Variants in FMNL2 observed in about 807,000 individuals in gnomAD.
The protein encoded by FMNL2 is formin-like protein 2.
Under a neutral mutation model 130.2 loss-of-function variants are expected in FMNL2, and 51 were observed. The ratio of observed to expected loss-of-function variants is 0.39; its 90% confidence interval spans 0.31 to 0.49. The LOEUF (loss-of-function observed/expected upper bound fraction) is 0.49, where lower values mean the gene tolerates loss of function less well. FMNL2 is among the 20% of genes least tolerant of loss of function. The pLI is 0.85. For missense variants in FMNL2, 977 were observed against 1,316.2 expected (o/e 0.74, Z 3.99); for synonymous variants, 465 against 467.1 (o/e 1.00, Z 0.06).
At chr2:152,593,860 A>AGAGAGAGTGTGTGT (rs1365489869) in intron 9 of FMNL2, among the ~76,000 whole-genome samples, 1 of 113,294 alleles carries the variant, frequency 8.8e-6, no homozygotes, top group African/African-American at 3.5e-5. Context: ...AGAGAGAGAG[A>AGAGAGAGTGTGTGT]GTGTGTGTGT....
chr2:152,629,565 G>A, intron 18 of FMNL2, 91 bp from the exon 19 acceptor site: 2 of 1,216,756 alleles, frequency 1.6e-6, no homozygotes, highest in South Asian at 2.7e-5. Context: ...ATGCAGGCCT[G>A]TTTTCTTCTG....
chr2:152,504,258 CT>C lies in FMNL2; in HGVS notation c.118-17673del, dbSNP rs527725556. ...TGACTCCTACCCACATGCAGGGAGG[CT>C]TTTTTTTTTTTCTTTTCTTCGAGAC... On this transcript the variant is annotated intron_variant, in intron 1 of 25. Transcript: ENST00000288670. 7.2e-3 allele frequency among the ~76,000 whole-genome samples: 1,040 copies of C among 145,118 alleles called. 3 individuals are homozygous for C. The highest frequency in any genetic ancestry group is 0.025 in the Middle Eastern group (7 of 278).
chr2:152,407,851 C>CA (rs1204854403), intron 1 of FMNL2, among the ~76,000 whole-genome samples: 2 of 152,182 alleles, frequency 1.3e-5, no homozygotes, highest in African/African-American at 4.8e-5. Context: ...TAATAAAAAA[C>CA]AATCACCACT....
chr2:152,529,594 C>A (rs976418840), intron 2 of FMNL2, among the ~76,000 whole-genome samples: 8 of 152,164 alleles, frequency 5.3e-5, no homozygotes, highest in Non-Finnish European at 1.0e-4. Context: ...GAAAAGCAAT[C>A]AAATAGCAGA....
At chr2:152,574,435 A>T (rs1241092199) in intron 6 of FMNL2, among the ~76,000 whole-genome samples, 13 of 121,222 alleles carry the variant, frequency 1.1e-4, no homozygotes, top group African/African-American at 1.5e-4. Context: ...ACTCTGTCTC[A>T]AAAAAAAAAA....
rs189122733 is a variant in FMNL2 at position 152,573,120 on chromosome 2, T to C, written c.597-2016T>C. ...ATTAAGTCAAAAAACATCCTCACTT[T>C]CCTAATAAGTGTCATATATAGAATA... On this transcript the variant is annotated intron_variant, in intron 6 of 25. Coordinates refer to ENST00000288670, the MANE Select transcript of FMNL2 (RefSeq NM_052905.4). 2.6e-4 allele frequency among the ~76,000 whole-genome samples: 40 copies of C among 152,344 alleles called. 1 individual carries two copies. In the East Asian group the frequency reaches 5.6e-3, roughly 21 times the overall value.
At chr2:152,547,761 G>GGA (rs1694723029) in intron 3 of FMNL2, among the ~76,000 whole-genome samples, 1 of 152,176 alleles carries the variant, frequency 6.6e-6, no homozygotes, top group South Asian at 2.1e-4. Flanking sequence ...TGGCAGCAGA[G>GGA]GAGAGAGGTC....
At chr2:152,336,088 T>TTAAAA (rs1200322808) in intron 1 of FMNL2, among the ~76,000 whole-genome samples, 1 of 67,314 alleles carries the variant, frequency 1.5e-5, no homozygotes, top group Non-Finnish European at 2.9e-5. Context: ...GCTTTTTTTT[T>TTAAAA]AAAAAAAACA....
At chr2:152,612,441 G>T (rs1698736344) in intron 11 of FMNL2, among the ~76,000 whole-genome samples, 1 of 152,150 alleles carries the variant, frequency 6.6e-6, no homozygotes, top group African/African-American at 2.4e-5. Context: ...GATCATTGGA[G>T]TCCAGGATTT....
In FMNL2 at chr2:152,637,553, A is replaced by G. The variant is rs1317896336; in HGVS notation, c.2845-20A>G. 4 of 1,608,898 alleles carry G rather than the reference A, an allele frequency of 2.5e-6. No homozygotes were observed. Among genetic ancestry groups the G allele is most frequent in the African/African-American group, 2.7e-5 (2 of 74,526 alleles). On this transcript the variant is annotated intron_variant, in intron 22 of 25. Transcript: ENST00000288670. ...AAATGCCTAACTAATGAAACTCAAG[A>G]AAAATTTGCTTCTTCACAGGATGCC...
intron 24 of FMNL2, 45 bp from the exon 25 acceptor site, chr2:152,640,746 T>G: frequency 6.3e-7 from 1 of 1,597,030 alleles, no homozygotes; most frequent in South Asian, 1.1e-5. Flanking sequence ...CACAAACTCC[T>G]AATGGGTGCT....
At chr2:152,623,272 C>A (rs1350037372) in intron 15 of FMNL2, among the ~76,000 whole-genome samples, 1 of 152,238 alleles carries the variant, frequency 6.6e-6, no homozygotes, top group African/African-American at 2.4e-5. Context: ...CCCCAGATCC[C>A]TAACATTGCC....
chr2:152,368,172 C>T (rs1162574058), intron 1 of FMNL2, among the ~76,000 whole-genome samples: 1 of 152,168 alleles, frequency 6.6e-6, no homozygotes, highest in Non-Finnish European at 1.5e-5. Context: ...ATGCAGTATA[C>T]ATTTTCATGG....
intron 4 of FMNL2, among the ~76,000 whole-genome samples, 152 bp from the exon 5 acceptor site, chr2:152,558,588 G>A (rs1695352896): frequency 6.6e-6 from 1 of 152,168 alleles, no homozygotes; most frequent in African/African-American, 2.4e-5. Context: ...AAAAGCTCCT[G>A]CCTCATGTGA....
intron 9 of FMNL2, among the ~76,000 whole-genome samples, chr2:152,596,553 A>C (rs1378493756): frequency 6.6e-6 from 1 of 152,216 alleles, no homozygotes; most frequent in Admixed American, 6.5e-5. Flanking sequence ...TTATGCTCTT[A>C]AAAATCACTG....
intron 1 of FMNL2, among the ~76,000 whole-genome samples, chr2:152,384,407 G>T (rs896940947): frequency 6.6e-6 from 1 of 152,184 alleles, no homozygotes; most frequent in African/African-American, 2.4e-5. Flanking sequence ...GGGCATTGGG[G>T]TGTAGACATC....
At chr2:152,616,474 G>A (rs1336326589) in intron 12 of FMNL2, among the ~76,000 whole-genome samples, 1 of 151,830 alleles carries the variant, frequency 6.6e-6, no homozygotes, top group Non-Finnish European at 1.5e-5. Context: ...GGGATTACAG[G>A]TGTACTCCAC....
At chr2:152,597,067 T>A (rs1276968306) in intron 9 of FMNL2, among the ~76,000 whole-genome samples, 1 of 152,228 alleles carries the variant, frequency 6.6e-6, no homozygotes, top group Non-Finnish European at 1.5e-5. Context: ...ATTGGCACAT[T>A]TCCTAATATA....
chr2:152,420,940 T>A (rs1686882544), intron 1 of FMNL2, among the ~76,000 whole-genome samples: 1 of 152,206 alleles, frequency 6.6e-6, no homozygotes, highest in Non-Finnish European at 1.5e-5. Context: ...GATTTGCCTG[T>A]TATTCGCCTG....
Sources: gnomAD v4.1 joint callset for allele counts (sites outside exome capture counted in the v4.1 genomes callset) on GRCh38, gnomAD v4.1.1 for gene constraint, MANE v1.5 for transcripts, NCBI Gene and HGNC (gene_info 2026-07-23, HGNC 2026-07-21) for gene names.